The following GLIS3 variants were observed in gnomAD, a reference collection of about 807,000 sequenced individuals.
The protein encoded by GLIS3 is GLIS family zinc finger 3.
A neutral mutation model predicts 78.6 loss-of-function variants in GLIS3; 53 were observed. The observed-to-expected ratio is 0.67, with a 90% confidence interval of 0.54 to 0.85. The LOEUF (loss-of-function observed/expected upper bound fraction) is 0.85. Ranked by LOEUF, GLIS3 falls within the 40% of genes least tolerant of loss-of-function variation. The pLI, the probability that GLIS3 is intolerant of heterozygous loss-of-function variation, is 0.00. For synonymous variants in GLIS3, 684 were observed against 509.9 expected (o/e 1.34, Z -4.60); for missense variants, 1,703 against 1,231.1 (o/e 1.38, Z -5.74).
chr9:4,405,794 GATGA>G, the GLIS3 span, among the ~76,000 whole-genome samples: 4 of 151,356 alleles, frequency 2.6e-5, no homozygotes, highest in Non-Finnish European at 5.9e-5. Context: ...CAGTATCTCT[GATGA>G]ATATTGATAC....
chr9:3,938,491 GT>G (rs1826022188), intron 4 of GLIS3, among the ~76,000 whole-genome samples: 2 of 152,028 alleles, frequency 1.3e-5, no homozygotes, highest in Admixed American at 1.3e-4. Flanking sequence ...CCAGGTTTTG[GT>G]TATTGGAATT....
chr9:4,472,934 T>C, the GLIS3 span, among the ~76,000 whole-genome samples: 1 of 152,154 alleles, frequency 6.6e-6, no homozygotes, highest in Non-Finnish European at 1.5e-5. Flanking sequence ...TTGAAAAACA[T>C]TTTTAAAAAA....
the GLIS3 span, among the ~76,000 whole-genome samples, chr9:4,408,726 CAA>C: frequency 2.5e-4 from 14 of 56,716 alleles, no homozygotes; most frequent in African/African-American, 3.2e-4. Context: ...GACTCTGTCT[CAA>C]AAAAAAAAAA....
chr9:4,432,362 TGGG>T, the GLIS3 span, among the ~76,000 whole-genome samples: 1 of 151,894 alleles, frequency 6.6e-6, no homozygotes, highest in Non-Finnish European at 1.5e-5. Context: ...CAAACAGAAG[TGGG>T]GGGACAGCAT....
At chr9:3,941,467 G>T (rs369567923) in intron 4 of GLIS3, among the ~76,000 whole-genome samples, 1 of 151,966 alleles carries the variant, frequency 6.6e-6, no homozygotes, top group East Asian at 1.9e-4. Flanking sequence ...ATGCTGGTGC[G>T]CTGCACTTTA....
chr9:4,373,478 T>C, the GLIS3 span, among the ~76,000 whole-genome samples: 1 of 152,120 alleles, frequency 6.6e-6, no homozygotes, highest in South Asian at 2.1e-4. Context: ...AACAAACTGC[T>C]CTGGGGGGAA....
the GLIS3 span, among the ~76,000 whole-genome samples, chr9:4,362,387 T>G: frequency 1.3e-5 from 2 of 152,370 alleles, no homozygotes; most frequent in Non-Finnish European, 2.9e-5. Context: ...GTATCATTGA[T>G]GTAGTAAGAA....
At chr9:4,415,061 C>G in the GLIS3 span, among the ~76,000 whole-genome samples, 1 of 152,200 alleles carries the variant, frequency 6.6e-6, no homozygotes, top group Non-Finnish European at 1.5e-5. Context: ...TCAACTACTA[C>G]TCAACTTAGG....
At chr9:4,339,354 G>C (rs1817800459) in intron 2 of GLIS3, among the ~76,000 whole-genome samples, 1 of 152,188 alleles carries the variant, frequency 6.6e-6, no homozygotes. Context: ...CCGATGAATT[G>C]TGTTCATGAA....
At chr9:3,865,463 T>G (rs146360229) in intron 8 of GLIS3, among the ~76,000 whole-genome samples, 2 of 152,254 alleles carry the variant, frequency 1.3e-5, no homozygotes, top group Non-Finnish European at 2.9e-5. Context: ...CAGGCTAGAA[T>G]GGCTTGTGGG....
chr9:3,861,570 T>C (rs1315696613), intron 8 of GLIS3, among the ~76,000 whole-genome samples: 1 of 151,866 alleles, frequency 6.6e-6, no homozygotes, highest in Admixed American at 6.6e-5. Flanking sequence ...ATAAAGAAAA[T>C]GTGGTACATA....
the GLIS3 span, among the ~76,000 whole-genome samples, chr9:4,400,290 G>A: frequency 0.017 from 2,641 of 152,276 alleles, 79 homozygotes; most frequent in African/African-American, 0.06. Flanking sequence ...GAAATAATAC[G>A]GACAAGAAAT....
At chr9:3,837,202 T>C (rs1463548038) in intron 9 of GLIS3, among the ~76,000 whole-genome samples, 1 of 152,178 alleles carries the variant, frequency 6.6e-6, no homozygotes, top group Non-Finnish European at 1.5e-5. Context: ...AGGCCCTTCA[T>C]ACTACTAACT....
At chr9:3,862,870 G>A (rs1820311645) in intron 8 of GLIS3, among the ~76,000 whole-genome samples, 2 of 152,168 alleles carry the variant, frequency 1.3e-5, no homozygotes, top group Admixed American at 6.5e-5. Flanking sequence ...CTGCCAGGGA[G>A]TAGAAATAAT....
chr9:4,357,301 A>C, the GLIS3 span, among the ~76,000 whole-genome samples: 18 of 152,170 alleles, frequency 1.2e-4, no homozygotes, highest in Admixed American at 6.5e-4. Flanking sequence ...GCCCCTCCCA[A>C]GTGTGGGTGG....
intron 8 of GLIS3, among the ~76,000 whole-genome samples, chr9:3,859,444 CTG>C (rs1203233299): frequency 1.3e-5 from 2 of 150,816 alleles, no homozygotes; most frequent in African/African-American, 2.4e-5. Context: ...CAAAAGTTAA[CTG>C]AGACTTTATT....
the GLIS3 span, among the ~76,000 whole-genome samples, chr9:4,442,331 T>A: frequency 6.6e-6 from 1 of 152,148 alleles, no homozygotes; most frequent in East Asian, 1.9e-4. Context: ...TTTGTTTGGG[T>A]CTTCTCTTTT....
intron 4 of GLIS3, among the ~76,000 whole-genome samples, chr9:4,031,753 G>A (rs1460163635): frequency 6.6e-6 from 1 of 152,172 alleles, no homozygotes; most frequent in Non-Finnish European, 1.5e-5. Flanking sequence ...AAGTATAAAG[G>A]TGATGATGGA....
chr9:4,128,068 T>A (rs1011985872), intron 2 of GLIS3, among the ~76,000 whole-genome samples: 1 of 152,240 alleles, frequency 6.6e-6, no homozygotes, highest in South Asian at 2.1e-4. Flanking sequence ...TGTAAAAACA[T>A]GCACACCTTA....
Sources: gnomAD v4.1 joint callset for allele counts (sites outside exome capture counted in the v4.1 genomes callset) on GRCh38, gnomAD v4.1.1 for gene constraint, MANE v1.5 for transcripts, NCBI Gene and HGNC (gene_info 2026-07-23, HGNC 2026-07-21) for gene names.